Variants in HNF4G observed in about 807,000 individuals in gnomAD.
HNF4G encodes the protein hepatocyte nuclear factor 4 gamma.
HNF4G carries 21 observed loss-of-function variants against 50.9 expected under a neutral mutation model. The ratio of observed to expected loss-of-function variants is 0.41; its 90% CI spans 0.29 to 0.59. The LOEUF (loss-of-function observed/expected upper bound fraction) is 0.59, where lower values mean the gene tolerates loss of function less well. Ranked by LOEUF, HNF4G falls within the 20% of genes least tolerant of loss-of-function variation. The pLI, the probability that HNF4G is intolerant of heterozygous loss-of-function variation, is 0.26. For synonymous variants in HNF4G, 198 were observed against 185.6 expected, an observed-to-expected ratio of 1.07 and a Z score of -0.54; for missense variants, 527 against 559.4, an observed-to-expected ratio of 0.94 and a Z score of 0.58.
In HNF4G at chr8:75,529,719, A is replaced by T. The variant is rs1475301083; in HGVS notation, c.-23-14092A>T. On this transcript the variant is annotated intron_variant, in intron 2 of 10. Coordinates refer to the HNF4G transcript ENST00000354370. ...GAGAACTATGGGGAAGATTCACCTT[A>T]AATTAGATGTGAATTTCCTTTCACT... Among the ~76,000 whole-genome samples the T allele has an allele frequency of 2.6e-5, 4 of 152,184 alleles. No homozygotes were observed. The South Asian group carries it at 8.3e-4, about 32-fold the overall frequency.
intron 2 of HNF4G, among the ~76,000 whole-genome samples, chr8:75,525,759 G>A (rs1039858461): frequency 1.3e-5 from 2 of 152,162 alleles, no homozygotes; most frequent in Non-Finnish European, 1.5e-5. Context: ...TTTTGAAATG[G>A]AGCAGTCTCT....
chr8:75,410,960 T>C (rs1310825104), intron 1 of HNF4G, among the ~76,000 whole-genome samples: 3 of 152,222 alleles, frequency 2.0e-5, no homozygotes, highest in Non-Finnish European at 4.4e-5. Context: ...TCTTATTGAA[T>C]ACTTAATATG....
At chr8:75,495,738 A>C (rs995888726) in intron 2 of HNF4G, among the ~76,000 whole-genome samples, 3 of 151,812 alleles carry the variant, frequency 2.0e-5, no homozygotes, top group Admixed American at 1.3e-4. Flanking sequence ...AAATTTCACC[A>C]TGTTGGCCAG....
chr8:75,425,591 ATATAT>A (rs1810874226), intron 1 of HNF4G, among the ~76,000 whole-genome samples: 1 of 147,838 alleles, frequency 6.8e-6, no homozygotes, highest in Non-Finnish European at 1.5e-5. Flanking sequence ...TAATATTTAT[ATATAT>A]TATATATTTT....
intron 2 of HNF4G, among the ~76,000 whole-genome samples, chr8:75,500,932 A>T (rs1812909450): frequency 6.6e-6 from 1 of 152,074 alleles, no homozygotes. Flanking sequence ...GAAATTAGAG[A>T]CTGGTAATGT....
chr8:75,530,749 G>C lies in HNF4G; in HGVS notation c.-23-13062G>C, dbSNP rs117365833. 5.0e-3 allele frequency among the ~76,000 whole-genome samples: 756 copies of C among 150,152 alleles called. 1 individual carries two copies. The highest frequency in any genetic ancestry group is 9.1e-3 in the Non-Finnish European group (617 of 67,798). The stretch of plus-strand genomic sequence containing the variant: ...CTGCAAAGAGATGGTAATCATAAAG[G>C]AAAGCATACAAGACAGAAGACAGTG... On this transcript the variant is annotated intron_variant, in intron 2 of 10. Transcript: ENST00000354370.
At chr8:75,504,808 C>G (rs560969121) in intron 2 of HNF4G, among the ~76,000 whole-genome samples, 1 of 152,162 alleles carries the variant, frequency 6.6e-6, no homozygotes, top group South Asian at 2.1e-4. Flanking sequence ...AAAATGATCT[C>G]TTATTACTTA....
chr8:75,452,403 A>G (rs907214530), intron 1 of HNF4G, among the ~76,000 whole-genome samples: 2 of 152,052 alleles, frequency 1.3e-5, no homozygotes, highest in Non-Finnish European at 2.9e-5. Flanking sequence ...CACTTTCCAA[A>G]TAAGTATCTT....
chr8:75,496,933 GATTTAGAAAC>G (rs1183950464), intron 2 of HNF4G, among the ~76,000 whole-genome samples: 1 of 152,020 alleles, frequency 6.6e-6, no homozygotes, highest in Non-Finnish European at 1.5e-5. Context: ...GTGTCTACTA[GATTTAGAAAC>G]ATTATCTTAA....
At chr8:75,464,704 A>G (rs1451683251) in intron 1 of HNF4G, among the ~76,000 whole-genome samples, 1 of 152,174 alleles carries the variant, frequency 6.6e-6, no homozygotes, top group Non-Finnish European at 1.5e-5. Flanking sequence ...AATGTGAGAT[A>G]TTAGAGATTG....
At chr8:75,563,930 A>G in intron 9 of HNF4G, 45 bp from the exon 10 acceptor site, 8 of 1,607,616 alleles carry the variant, frequency 5.0e-6, no homozygotes, top group Non-Finnish European at 6.8e-6. Context: ...GGGGTGAGGA[A>G]GACTGACTGC....
intron 6 of HNF4G, among the ~76,000 whole-genome samples, chr8:75,557,223 A>T (rs1177608711): frequency 6.6e-6 from 1 of 152,250 alleles, no homozygotes; most frequent in Non-Finnish European, 1.5e-5. Context: ...AACCTTTCAT[A>T]AAGAAAGAGT....
chr8:75,513,546 T>C (rs1221235287), intron 2 of HNF4G, among the ~76,000 whole-genome samples: 2 of 152,206 alleles, frequency 1.3e-5, no homozygotes, highest in Non-Finnish European at 1.5e-5. Context: ...CTAACATTCC[T>C]TGTCTTTGCA....
intron 2 of HNF4G, among the ~76,000 whole-genome samples, chr8:75,503,412 G>A (rs888967751): frequency 6.6e-6 from 1 of 152,144 alleles, no homozygotes; most frequent in Non-Finnish European, 1.5e-5. Flanking sequence ...ATTACTAATA[G>A]TAAGAGTGAT....
chr8:75,507,323 G>A (rs927828556), intron 2 of HNF4G, among the ~76,000 whole-genome samples: 1 of 149,618 alleles, frequency 6.7e-6, no homozygotes, highest in East Asian at 2.0e-4. Flanking sequence ...GCAGCGGCGT[G>A]ATCTTGGCTC....
At position 75,556,074 on chromosome 8, in the gene HNF4G, G is replaced by GTTTT; in HGVS notation, c.733+14_733+17dup. 2 of 1,258,144 alleles carry GTTTT rather than the reference G, an allele frequency of 1.6e-6. No homozygotes were observed. The highest frequency in any genetic ancestry group is 1.4e-5 in the South Asian group (1 of 69,284). 77.9% of individuals were successfully genotyped at this position (1,258,144 alleles called of 1,614,324 possible). On this transcript the variant is annotated splice_donor_region_variant and intron_variant, in intron 6 of 9. Coordinates refer to ENST00000396423, the MANE Select transcript of HNF4G (RefSeq NM_004133.5). ...ATAAAGATATTTTGCTTTTGGGTAAGTTTTTTTTTTTTAATTTAAGAAGAA... is the reference window on the plus strand; with the variant it reads ...ATAAAGATATTTTGCTTTTGGGTAAGTTTTTTTTTTTTTTTTAATTTAAGAAGAA...
chr8:75,441,272 G>GTTTTTTTTTTTTTTATTTT (rs1811276626), intron 1 of HNF4G, among the ~76,000 whole-genome samples: 1 of 148,200 alleles, frequency 6.7e-6, no homozygotes. Context: ...CTGAGACAGA[G>GTTTTTTTTTTTTTTATTTT]TCTTTCAATG....
chr8:75,416,352 C>T (rs910610843), intron 1 of HNF4G, among the ~76,000 whole-genome samples: 5 of 152,116 alleles, frequency 3.3e-5, no homozygotes, highest in Non-Finnish European at 5.9e-5. Context: ...TGAATAGACT[C>T]ATGATTTGGA....
At chr8:75,429,347 C>T (rs1337062934) in intron 1 of HNF4G, among the ~76,000 whole-genome samples, 2 of 152,092 alleles carry the variant, frequency 1.3e-5, no homozygotes, top group African/African-American at 4.8e-5. Context: ...AGTGTAACTC[C>T]ATTTTTCTCT....
Sources: allele counts gnomAD v4.1 joint callset (sites outside exome capture counted in the v4.1 genomes callset), GRCh38; gene constraint gnomAD v4.1.1; transcripts MANE v1.5; gene names NCBI Gene and HGNC (gene_info 2026-07-23, HGNC 2026-07-21).